The following THSD7B variants were observed in gnomAD, a reference collection of about 807,000 sequenced individuals.
The protein encoded by THSD7B is thrombospondin type-1 domain-containing protein 7B.
A neutral mutation model predicts 213.6 loss-of-function variants in THSD7B; 138 were observed. The observed-to-expected ratio is 0.65, with a 90% CI of 0.56 to 0.74. The LOEUF (loss-of-function observed/expected upper bound fraction) is 0.74, where lower values mean the gene tolerates loss of function less well. Among genes scored for constraint, THSD7B ranks in the 30% least tolerant of loss-of-function variants. The probability of loss-of-function intolerance (pLI) is 0.00; values close to 1 mark genes in which losing one functional copy is unlikely to be tolerated. For synonymous variants in THSD7B, 742 were observed against 687.0 expected (o/e 1.08, Z -1.25); for missense variants, 1,931 against 1,991.5 (o/e 0.97, Z 0.58).
At chr2:136,772,580 A>G (rs1213611034) in intron 1 of THSD7B, among the ~76,000 whole-genome samples, 3 of 152,194 alleles carry the variant, frequency 2.0e-5, no homozygotes. Flanking sequence ...TATGCAAAGC[A>G]TTAGTTTTTG....
At chr2:137,326,733 G>A (rs1308807943) in intron 12 of THSD7B, among the ~76,000 whole-genome samples, 1 of 152,180 alleles carries the variant, frequency 6.6e-6, no homozygotes, top group African/African-American at 2.4e-5. Flanking sequence ...ATGCTGGAAT[G>A]AACAGTTTTG....
chr2:137,290,110 C>CTTTT (rs1244519702), intron 12 of THSD7B, among the ~76,000 whole-genome samples: 1 of 130,816 alleles, frequency 7.6e-6, no homozygotes, highest in African/African-American at 2.8e-5. Flanking sequence ...AAAGAGTTTT[C>CTTTT]TTTTTTTTTT....
rs888362475 is a variant in THSD7B at position 136,885,530 on chromosome 2, C to T, written c.139+3213C>T. ...TAGCTGTGTCAAGAAAGAAGGATCA[C>T]GTCAGCAACAGTATCAGATAAGGGA... On this transcript the variant is annotated intron_variant, in intron 2 of 27. Transcript: ENST00000409968. Among the ~76,000 whole-genome samples the T allele has an allele frequency of 4.6e-5, 7 of 152,110 alleles. No homozygotes were observed. In the South Asian group the frequency reaches 6.2e-4, roughly 14 times the overall value.
At chr2:137,319,751 T>G (rs1684222121) in intron 12 of THSD7B, among the ~76,000 whole-genome samples, 1 of 152,312 alleles carries the variant, frequency 6.6e-6, no homozygotes, top group Non-Finnish European at 1.5e-5. Context: ...TAACACAAAC[T>G]TGACTTTTTT....
At chr2:137,320,560 G>T (rs1684240541) in intron 12 of THSD7B, among the ~76,000 whole-genome samples, 1 of 152,076 alleles carries the variant, frequency 6.6e-6, no homozygotes, top group Non-Finnish European at 1.5e-5. Context: ...AAATGAATGT[G>T]GTATGTGGAC....
chr2:137,128,138 T>A (rs752631171), intron 5 of THSD7B, among the ~76,000 whole-genome samples: 67 of 152,318 alleles, frequency 4.4e-4, no homozygotes, highest in Non-Finnish European at 7.3e-4. Context: ...CCCAAAATTC[T>A]ATACCTGTAA....
At position 137,405,742 on chromosome 2, in the gene THSD7B, G is replaced by A. The variant is rs1686501843; in HGVS notation, c.2630G>A (p.Trp877Ter). ...PCREDCTFTA[W>*]SKFTPCSTNC... ...CGAGAAGACTGCACCTTCACTGCTT[G>A]GTCCAAGTTTACGCCCTGCTCCACG... Residue 877 changes from tryptophan to a stop codon, truncating the protein, a stop_gained, in exon 13 of 28, where the codon TGG becomes TAG. Transcript: ENST00000409968. LOFTEE classifies it high-confidence loss of function. The A allele has an allele frequency of 1.2e-6, 2 of 1,613,642 alleles. No homozygotes were observed. The highest frequency in any genetic ancestry group is 1.7e-6 in the Non-Finnish European group (2 of 1,179,802).
At chr2:136,804,435 CA>C (rs1286965300) in intron 1 of THSD7B, among the ~76,000 whole-genome samples, 11 of 151,210 alleles carry the variant, frequency 7.3e-5, no homozygotes, top group South Asian at 2.1e-4. Context: ...CACACACACA[CA>C]CACCCTTACC....
chr2:137,360,714 C>A (rs1424293576), intron 12 of THSD7B, among the ~76,000 whole-genome samples: 1 of 152,194 alleles, frequency 6.6e-6, no homozygotes, highest in East Asian at 1.9e-4. Flanking sequence ...GAATCTCGAA[C>A]TGGGTGGAAC....
At chr2:137,599,918 G>GCCT (rs1377950830) in intron 17 of THSD7B, among the ~76,000 whole-genome samples, 4 of 151,794 alleles carry the variant, frequency 2.6e-5, no homozygotes, top group Non-Finnish European at 5.9e-5. Context: ...CTCTACCAAG[G>GCCT]CCTCCTCCTT....
chr2:137,407,016 A>G (rs1056499289), intron 13 of THSD7B, among the ~76,000 whole-genome samples: 3 of 152,168 alleles, frequency 2.0e-5, no homozygotes, highest in Non-Finnish European at 2.9e-5. Flanking sequence ...GCAACTCTTT[A>G]TATACTTGAG....
intron 15 of THSD7B, among the ~76,000 whole-genome samples, chr2:137,500,703 A>G (rs1024574895): frequency 6.6e-6 from 1 of 152,178 alleles, no homozygotes; most frequent in African/African-American, 2.4e-5. Context: ...AGCTCCTAAT[A>G]TGGAATCTGA....
At chr2:137,357,875 A>G (rs999023100) in intron 12 of THSD7B, among the ~76,000 whole-genome samples, 4 of 152,180 alleles carry the variant, frequency 2.6e-5, no homozygotes, top group Non-Finnish European at 4.4e-5. Context: ...ACTCATTCAT[A>G]CATTTTAGAT....
chr2:137,316,429 A>C (rs1436873317), intron 12 of THSD7B, among the ~76,000 whole-genome samples: 1 of 152,248 alleles, frequency 6.6e-6, no homozygotes, highest in African/African-American at 2.4e-5. Flanking sequence ...GATTTTGGAA[A>C]AAAGTGATAG....
At chr2:137,246,103 G>A (rs528068023) in intron 10 of THSD7B, among the ~76,000 whole-genome samples, 3 of 152,274 alleles carry the variant, frequency 2.0e-5, no homozygotes, top group East Asian at 1.9e-4. Flanking sequence ...GGGACAGGGT[G>A]GGAGGTGAAG....
At chr2:136,913,657 T>C (rs965434969) in intron 2 of THSD7B, among the ~76,000 whole-genome samples, 33 of 152,216 alleles carry the variant, frequency 2.2e-4, no homozygotes, top group Non-Finnish European at 3.7e-4. Flanking sequence ...AATGTACAGC[T>C]TGGGCTGGGG....
intron 17 of THSD7B, among the ~76,000 whole-genome samples, chr2:137,615,523 A>G (rs549251616): frequency 2.6e-5 from 4 of 152,346 alleles, no homozygotes; most frequent in South Asian, 4.1e-4. Context: ...AACTGAGGCT[A>G]CAGGAGGACA....
chr2:137,210,534 C>T lies in THSD7B; in HGVS notation c.1724-20510C>T, dbSNP rs183460920. 2.6e-5 allele frequency among the ~76,000 whole-genome samples: 4 copies of T among 152,088 alleles called. No individual in the cohort carries two copies. In the East Asian group the frequency reaches 7.8e-4, roughly 30 times the overall value. On this transcript the variant is annotated intron_variant, in intron 7 of 27. Coordinates refer to ENST00000409968, the MANE Select transcript of THSD7B (RefSeq NM_001316349.2). ...TTTTTCTTTTCTTTTCAAGTTTAAA[C>T]ATTCAAAACATTCAAGGACAAATCT...
chr2:136,805,419 G>C (rs929813589), intron 1 of THSD7B, among the ~76,000 whole-genome samples: 7 of 152,226 alleles, frequency 4.6e-5, no homozygotes, highest in Non-Finnish European at 7.3e-5. Flanking sequence ...GAGATGATCT[G>C]TTTCATGAAT....
Sources: allele counts gnomAD v4.1 joint callset (sites outside exome capture counted in the v4.1 genomes callset), GRCh38; gene constraint gnomAD v4.1.1; transcripts MANE v1.5; gene names NCBI Gene and HGNC (gene_info 2026-07-23, HGNC 2026-07-21).